TMEM38B: variants seen among roughly 807,000 people sequenced by gnomAD.
TMEM38B encodes trimeric intracellular cation channel type B.
Under a neutral mutation model 28.7 loss-of-function variants are expected in TMEM38B, and 24 were observed. That is an observed-to-expected ratio of 0.84 (90% CI 0.61 to 1.18). The LOEUF is 1.18. TMEM38B is among the 50% of genes most tolerant of loss of function. The pLI is 0.00. For missense variants in TMEM38B, 380 were observed against 350.9 expected (o/e 1.08, Z -0.66); for synonymous variants, 131 against 127.7 (o/e 1.03, Z -0.17).
intron 5 of TMEM38B, chr9:105,760,424 G>T (rs1837998828): frequency 1.4e-6 from 1 of 739,576 alleles, no homozygotes; most frequent in Non-Finnish European, 2.5e-6. Flanking sequence ...TTAAAAAAGG[G>T]ACATATTGAA....
chr9:105,703,838 G>A (rs1214981727), intron 1 of TMEM38B, among the ~76,000 whole-genome samples: 13 of 152,206 alleles, frequency 8.5e-5, no homozygotes, highest in East Asian at 7.7e-4. Flanking sequence ...TGGCTGCATA[G>A]ATGTCTTCTT....
At chr9:105,741,959 C>T (rs748774687) in intron 4 of TMEM38B, among the ~76,000 whole-genome samples, 6 of 152,120 alleles carry the variant, frequency 3.9e-5, no homozygotes, top group Non-Finnish European at 8.8e-5. Flanking sequence ...TAGCAGAAGC[C>T]AGGGATAGAG....
At chr9:105,700,610 T>G (rs1835432520) in intron 1 of TMEM38B, among the ~76,000 whole-genome samples, 1 of 152,328 alleles carries the variant, frequency 6.6e-6, no homozygotes, top group South Asian at 2.1e-4. Flanking sequence ...AAGGTGTCAC[T>G]TGACATGGTT....
chr9:105,769,349 T>C (rs1334794203), intron 5 of TMEM38B, among the ~76,000 whole-genome samples: 3 of 152,214 alleles, frequency 2.0e-5, no homozygotes, highest in Non-Finnish European at 4.4e-5. Flanking sequence ...AGGGTCTCGC[T>C]CTGTCACTCA....
At chr9:105,748,994 T>A in intron 5 of TMEM38B, 2 of 1,146,308 alleles carry the variant, frequency 1.7e-6, no homozygotes, top group South Asian at 3.0e-5. Flanking sequence ...ACAGGATTTT[T>A]AAAAGGAAAA....
At chr9:105,739,911 C>T (rs1295256276) in intron 4 of TMEM38B, among the ~76,000 whole-genome samples, 3 of 151,358 alleles carry the variant, frequency 2.0e-5, no homozygotes, top group Admixed American at 2.0e-4. Flanking sequence ...GAGACAGAGT[C>T]TTGCTCTGTC....
At chr9:105,759,348 T>A in intron 5 of TMEM38B, 1 of 1,104,374 alleles carries the variant, frequency 9.1e-7, no homozygotes, top group Non-Finnish European at 1.4e-6. Flanking sequence ...ATCAATGGAG[T>A]GCCTTCTTCT....
chr9:105,722,412 A>G (rs1387929622), intron 3 of TMEM38B, 122 bp from the exon 4 acceptor site: 1 of 834,874 alleles, frequency 1.2e-6, no homozygotes, highest in Non-Finnish European at 1.9e-6. Flanking sequence ...TCTTCTTTCC[A>G]AGAATTATAT....
intron 1 of TMEM38B, among the ~76,000 whole-genome samples, chr9:105,703,178 T>C (rs1351893287): frequency 6.6e-6 from 1 of 152,196 alleles, no homozygotes; most frequent in Non-Finnish European, 1.5e-5. Context: ...TGCCAGTACA[T>C]TAAAATAAAA....
intron 4 of TMEM38B, among the ~76,000 whole-genome samples, chr9:105,738,524 G>C (rs1466486431): frequency 2.0e-5 from 3 of 151,864 alleles, no homozygotes; most frequent in Non-Finnish European, 4.4e-5. Flanking sequence ...GGTGTGGGGG[G>C]CAGTGCTAGG....
At chr9:105,732,898 A>G (rs529178841) in intron 4 of TMEM38B, among the ~76,000 whole-genome samples, 6 of 152,202 alleles carry the variant, frequency 3.9e-5, no homozygotes, top group South Asian at 4.1e-4. Context: ...ATTACCTTGG[A>G]CAGTATGGCC....
chr9:105,705,525 G>A (rs748303837), intron 1 of TMEM38B, 72 bp from the exon 2 acceptor site: 66 of 1,404,316 alleles, frequency 4.7e-5, no homozygotes, highest in African/African-American at 4.4e-4. Context: ...TTTGTTTAGT[G>A]CAACTTGTAC....
In TMEM38B at chr9:105,722,621, A is replaced by G. The variant is rs190344797; in HGVS notation, c.542A>G (p.Tyr181Cys). 48 of 1,611,796 alleles carry G rather than the reference A, an allele frequency of 3.0e-5. No individual in the cohort carries two copies. In the African/African-American group the frequency reaches 5.2e-4, roughly 17 times the overall value. Residue 181 changes from tyrosine to cysteine, a missense_variant and splice_region_variant, in exon 4 of 6, where the codon TAC becomes TGC. Transcript: ENST00000374692. ...PEGDEWLKMSYPAKVTLLGSV... is the reference protein window; with the variant it reads ...PEGDEWLKMSCPAKVTLLGSV... Reference sequence around the variant, plus strand: ...GGTGATGAATGGCTGAAGATGTCATAGTAAGTTGGTATAAATTATACTGAG... The same window carrying G: ...GGTGATGAATGGCTGAAGATGTCATGGTAAGTTGGTATAAATTATACTGAG...
intron 4 of TMEM38B, among the ~76,000 whole-genome samples, chr9:105,735,290 T>C (rs1195872996): frequency 6.6e-6 from 1 of 152,220 alleles, no homozygotes; most frequent in East Asian, 1.9e-4. Context: ...ATTTTGGCTT[T>C]TTATGTTTAT....
At chr9:105,709,422 C>G (rs1248516899) in intron 2 of TMEM38B, among the ~76,000 whole-genome samples, 2 of 151,996 alleles carry the variant, frequency 1.3e-5, no homozygotes, top group Admixed American at 1.3e-4. Flanking sequence ...ATATTGGGTT[C>G]TATAATTATA....
intron 2 of TMEM38B, among the ~76,000 whole-genome samples, chr9:105,709,581 A>G (rs1456193409): frequency 6.6e-6 from 1 of 152,228 alleles, no homozygotes; most frequent in Non-Finnish European, 1.5e-5. Context: ...TAACCAGTAC[A>G]ATGTTTTGCC....
At chr9:105,734,876 T>C (rs1365580035) in intron 4 of TMEM38B, among the ~76,000 whole-genome samples, 1 of 151,980 alleles carries the variant, frequency 6.6e-6, no homozygotes, top group Non-Finnish European at 1.5e-5. Context: ...TTTTTTTTTT[T>C]TTTTGTCAGT....
intron 4 of TMEM38B, among the ~76,000 whole-genome samples, chr9:105,724,448 C>A (rs1308362684): frequency 6.6e-6 from 1 of 151,894 alleles, no homozygotes; most frequent in Non-Finnish European, 1.5e-5. Flanking sequence ...CATGGTGAAA[C>A]CCCGTCTCTA....
chr9:105,727,802 C>T (rs966072249), intron 4 of TMEM38B, among the ~76,000 whole-genome samples: 3 of 151,952 alleles, frequency 2.0e-5, no homozygotes, highest in Admixed American at 2.0e-4. Flanking sequence ...GGGGGTGGAT[C>T]CCTCATGAAT....
Sources: gnomAD v4.1 joint callset for allele counts (sites outside exome capture counted in the v4.1 genomes callset) on GRCh38, gnomAD v4.1.1 for gene constraint, MANE v1.5 for transcripts, NCBI Gene and HGNC (gene_info 2026-07-23, HGNC 2026-07-21) for gene names.